Variants in NKAIN3 observed in about 807,000 individuals in gnomAD.
NKAIN3 encodes sodium/potassium-transporting ATPase subunit beta-1-interacting protein 3.
NKAIN3 carries 25 observed loss-of-function variants against 30.2 expected under a neutral mutation model. The observed-to-expected ratio is 0.83, with a 90% CI of 0.60 to 1.16. The LOEUF (loss-of-function observed/expected upper bound fraction) is 1.16, where lower values mean the gene tolerates loss of function less well. NKAIN3 is among the 50% of genes most tolerant of loss of function. The pLI, the probability that NKAIN3 is intolerant of heterozygous loss-of-function variation, is 0.00. For synonymous variants in NKAIN3, 91 were observed against 89.6 expected (o/e 1.02, Z -0.09); for missense variants, 225 against 254.1 (o/e 0.89, Z 0.78).
intron 4 of NKAIN3, among the ~76,000 whole-genome samples, chr8:62,843,541 GC>G (rs1454920522): frequency 2.6e-5 from 4 of 151,718 alleles, no homozygotes; most frequent in Non-Finnish European, 5.9e-5. Context: ...CACCATGTTG[GC>G]CAGGCTGGTC....
chr8:62,499,496 G>A (rs776205638), intron 1 of NKAIN3, among the ~76,000 whole-genome samples: 13 of 152,236 alleles, frequency 8.5e-5, no homozygotes, highest in African/African-American at 1.7e-4. Flanking sequence ...TATTAGAGAA[G>A]TATTTCACCG....
chr8:62,918,034 A>G (rs1371059584), intron 4 of NKAIN3, among the ~76,000 whole-genome samples: 4 of 152,262 alleles, frequency 2.6e-5, no homozygotes, highest in African/African-American at 9.6e-5. Flanking sequence ...TTGGTATTTA[A>G]TTTATAAGCA....
intron 1 of NKAIN3, chr8:62,483,809 C>T (rs898024025): frequency 1.3e-5 from 3 of 222,656 alleles, no homozygotes; most frequent in Admixed American, 5.2e-5. Flanking sequence ...TGGCTGCCCC[C>T]TTTCCCTAGC....
intron 1 of NKAIN3, among the ~76,000 whole-genome samples, chr8:62,514,185 C>T (rs1216610815): frequency 6.6e-6 from 1 of 152,186 alleles, no homozygotes; most frequent in South Asian, 2.1e-4. Context: ...ATTATGTCTT[C>T]AAAGCTGCAT....
chr8:62,478,863 T>G (rs1208868383), intron 1 of NKAIN3, among the ~76,000 whole-genome samples: 1 of 152,182 alleles, frequency 6.6e-6, no homozygotes, highest in Non-Finnish European at 1.5e-5. Context: ...CAAATACTCA[T>G]AGAACTTTCA....
chr8:62,875,756 T>C (rs1431393996), intron 4 of NKAIN3, among the ~76,000 whole-genome samples: 2 of 152,060 alleles, frequency 1.3e-5, no homozygotes, highest in Non-Finnish European at 2.9e-5. Flanking sequence ...AAATGGTGCT[T>C]GGAAAACAGG....
Position 62,579,568 on chromosome 8 carries a change from C to A in NKAIN3, c.84C>A (p.Asp28Glu). The A allele has an allele frequency of 6.2e-7, 1 of 1,609,914 alleles. No individual in the cohort carries two copies. Among genetic ancestry groups the A allele is most frequent in the Non-Finnish European group, 8.5e-7 (1 of 1,177,972 alleles). ...LVSALERQIF[D>E]FLGFQWAPIL... ...CAGCATTAGAGAGGCAGATCTTTGACTTCCTTGGTTTCCAGTGGGCGCCTA... is the reference window on the plus strand; with the variant it reads ...CAGCATTAGAGAGGCAGATCTTTGAATTCCTTGGTTTCCAGTGGGCGCCTA... The change falls in exon 2 of 7, where the codon GAC becomes GAA. Residue 28 changes from aspartate to glutamate, a missense_variant. Coordinates refer to ENST00000623646, the MANE Select transcript of NKAIN3 (RefSeq NM_001304533.3).
intron 1 of NKAIN3, among the ~76,000 whole-genome samples, chr8:62,479,748 T>G (rs961105391): frequency 6.6e-6 from 1 of 152,058 alleles, no homozygotes; most frequent in Non-Finnish European, 1.5e-5. Context: ...GGAGAAGAGA[T>G]GAGGAATGTC....
At chr8:62,996,165 A>C (rs906180844) in intron 5 of NKAIN3, among the ~76,000 whole-genome samples, 4 of 152,228 alleles carry the variant, frequency 2.6e-5, no homozygotes, top group African/African-American at 7.2e-5. Context: ...TTTATAAAGG[A>C]AAGTGGTTGA....
At position 62,979,086 on chromosome 8, in the gene NKAIN3, G is replaced by A. The variant is rs1457141435; in HGVS notation, c.*13679G>A. ...CCAGTGAGATGAACCGAGTACCTCA[G>A]TTGGAAATGCAGAAATCACCCACTT... On this transcript the variant is annotated 3_prime_UTR_variant, in exon 7 of 7. Transcript: ENST00000623646. 1 of 152,278 alleles carries A rather than the reference G, an allele frequency of 6.6e-6. No homozygotes were observed. The highest frequency in any genetic ancestry group is 1.5e-5 in the Non-Finnish European group (1 of 68,094). The allele number at this position is 152,278 out of a possible 1,614,324, so 9.4% of individuals were successfully genotyped here.
chr8:62,996,152 T>A (rs1804107281), intron 5 of NKAIN3, among the ~76,000 whole-genome samples: 1 of 150,918 alleles, frequency 6.6e-6, no homozygotes, highest in African/African-American at 2.4e-5. Context: ...TGAAACTGGG[T>A]AATTTATAAA....
At chr8:62,834,751 T>C (rs1028261086) in intron 4 of NKAIN3, among the ~76,000 whole-genome samples, 18 of 152,026 alleles carry the variant, frequency 1.2e-4, no homozygotes, top group African/African-American at 3.9e-4. Flanking sequence ...AAAAAGACCA[T>C]ACTGCCCAAA....
chr8:62,390,659 A>G (rs1239530688), intron 1 of NKAIN3, among the ~76,000 whole-genome samples: 1 of 152,088 alleles, frequency 6.6e-6, no homozygotes, highest in Admixed American at 6.5e-5. Flanking sequence ...ACACTCTCAC[A>G]GAGTAAAAGC....
chr8:62,265,948 G>A (rs370972522), intron 1 of NKAIN3, among the ~76,000 whole-genome samples: 1 of 152,104 alleles, frequency 6.6e-6, no homozygotes, highest in African/African-American at 2.4e-5. Context: ...GTACCCTGGG[G>A]ACCTATTTTT....
At chr8:62,382,484 TTCTG>T (rs962702011) in intron 1 of NKAIN3, among the ~76,000 whole-genome samples, 1 of 152,096 alleles carries the variant, frequency 6.6e-6, no homozygotes, top group Non-Finnish European at 1.5e-5. Context: ...ACATGATAAT[TTCTG>T]TCTAACTTTT....
intron 4 of NKAIN3, among the ~76,000 whole-genome samples, chr8:62,761,143 C>T (rs970211406): frequency 6.6e-6 from 1 of 152,102 alleles, no homozygotes; most frequent in Admixed American, 6.6e-5. Flanking sequence ...ACAGTGTATA[C>T]TGCATAATTA....
At chr8:62,366,506 G>A (rs759453925) in intron 1 of NKAIN3, among the ~76,000 whole-genome samples, 15 of 152,092 alleles carry the variant, frequency 9.9e-5, no homozygotes, top group South Asian at 2.1e-4. Flanking sequence ...GATTAAAGGC[G>A]TGAGCCACTA....
At chr8:62,855,346 C>T in intron 4 of NKAIN3, 1 of 644,698 alleles carries the variant, frequency 1.6e-6, no homozygotes. Context: ...GCAGCTCCTG[C>T]TTCTTCAGCC....
intron 3 of NKAIN3, among the ~76,000 whole-genome samples, chr8:62,662,336 G>A (rs193118301): frequency 3.9e-5 from 6 of 152,252 alleles, no homozygotes; most frequent in East Asian, 3.9e-4. Flanking sequence ...CATTCTCATC[G>A]TGTTCATGGC....
Sources: gnomAD v4.1 joint callset for allele counts (sites outside exome capture counted in the v4.1 genomes callset) on GRCh38, gnomAD v4.1.1 for gene constraint, MANE v1.5 for transcripts, NCBI Gene and HGNC (gene_info 2026-07-23, HGNC 2026-07-21) for gene names.